ANKIB1: variants seen among roughly 807,000 people sequenced by gnomAD.
The protein encoded by ANKIB1 is ankyrin repeat and IBR domain-containing protein 1.
A neutral mutation model predicts 122.1 loss-of-function variants in ANKIB1; 43 were observed. The observed-to-expected ratio is 0.35, with a 90% confidence interval of 0.28 to 0.45. The LOEUF is 0.45. Ranked by LOEUF, ANKIB1 falls within the 20% of genes least tolerant of loss-of-function variation. The pLI, the probability that ANKIB1 is intolerant of heterozygous loss-of-function variation, is 1.00. For missense variants in ANKIB1, 992 were observed against 1,329.5 expected (o/e 0.75, Z 3.95); for synonymous variants, 390 against 442.0 (o/e 0.88, Z 1.48).
At chr7:92,376,632 AGAGAAGGGGTT>A (rs1804389485) in intron 11 of ANKIB1, among the ~76,000 whole-genome samples, 1 of 151,884 alleles carries the variant, frequency 6.6e-6, no homozygotes, top group Non-Finnish European at 1.5e-5. Flanking sequence ...TATTTTTAGT[AGAGAAGGGGTT>A]TCACCATGTT....
chr7:92,288,280 G>T (rs1266126481), intron 1 of ANKIB1, among the ~76,000 whole-genome samples: 1 of 152,118 alleles, frequency 6.6e-6, no homozygotes, highest in Non-Finnish European at 1.5e-5. Context: ...AGGTACTTAG[G>T]TATAAATCTG....
chr7:92,370,789 G>T (rs1351675663), intron 10 of ANKIB1, among the ~76,000 whole-genome samples: 1 of 152,098 alleles, frequency 6.6e-6, no homozygotes, highest in East Asian at 1.9e-4. Flanking sequence ...AAATCACTGT[G>T]CCAGCAGTGT....
In ANKIB1 at chr7:92,350,935, G is replaced by T; in HGVS notation, c.1086-15G>T. Reference sequence around the variant, plus strand: ...TATCCTTGCTCGTTTGATGTGCATTGATCCATTTTAATAGGTTTTTGAATC... The same window carrying T: ...TATCCTTGCTCGTTTGATGTGCATTTATCCATTTTAATAGGTTTTTGAATC... On this transcript the variant is annotated splice_polypyrimidine_tract_variant and intron_variant, in intron 7 of 19. Transcript: ENST00000265742. 6.3e-7 allele frequency: 1 copy of T among 1,593,608 alleles called. No homozygotes were observed. The highest frequency in any genetic ancestry group is 1.2e-5 in the South Asian group (1 of 86,588).
chr7:92,318,124 G>T (rs1347322680), intron 3 of ANKIB1, among the ~76,000 whole-genome samples: 1 of 152,078 alleles, frequency 6.6e-6, no homozygotes, highest in African/African-American at 2.4e-5. Context: ...TGTTTTATGG[G>T]GTTGTTAATA....
At chr7:92,288,495 C>T (rs1224115267) in intron 1 of ANKIB1, among the ~76,000 whole-genome samples, 7 of 152,126 alleles carry the variant, frequency 4.6e-5, no homozygotes, top group African/African-American at 1.7e-4. Flanking sequence ...TGGCTTTTTA[C>T]AAAGATTCAA....
chr7:92,358,507 T>A (rs2115588891), intron 9 of ANKIB1, among the ~76,000 whole-genome samples: 1 of 151,554 alleles, frequency 6.6e-6, no homozygotes, highest in Middle Eastern at 3.4e-3. Context: ...CCAAGCACAT[T>A]GATAAGCAAT....
In ANKIB1 at chr7:92,358,197, G is replaced by A. The variant is rs150520325; in HGVS notation, c.1398-3988G>A. Among the ~76,000 whole-genome samples the A allele has an allele frequency of 9.8e-3, 1,487 of 151,904 alleles. 32 individuals carry two copies. Among genetic ancestry groups the A allele is most frequent in the African/African-American group, 0.034 (1,413 of 41,406 alleles). Reference sequence around the variant, plus strand: ...GCGGAGGTTACAGTGAGCAGAGATCGTGCCATTGCACTCCAGCCTGGGCCA... The same window carrying A: ...GCGGAGGTTACAGTGAGCAGAGATCATGCCATTGCACTCCAGCCTGGGCCA... On this transcript the variant is annotated intron_variant, in intron 9 of 19. Transcript: ENST00000265742.
intron 1 of ANKIB1, among the ~76,000 whole-genome samples, chr7:92,269,266 A>G (rs1405031947): frequency 6.6e-6 from 1 of 152,218 alleles, no homozygotes; most frequent in African/African-American, 2.4e-5. Flanking sequence ...TTCTTAGGTG[A>G]GGGCTATAGT....
At chr7:92,371,418 T>C (rs1356930863) in intron 10 of ANKIB1, 59 bp from the exon 11 acceptor site, 24 of 1,463,816 alleles carry the variant, frequency 1.6e-5, no homozygotes, top group South Asian at 3.9e-5. Context: ...GGTTTTTTTT[T>C]CCCCCAGAAG....
rs567451907 is a variant in ANKIB1, at chr7:92,304,357, T to C, written c.189-3002T>C. Among the ~76,000 whole-genome samples, 6 of 152,290 alleles carry C rather than the reference T, an allele frequency of 3.9e-5. No homozygotes were observed. The South Asian group carries it at 6.2e-4, about 16-fold the overall frequency. On this transcript the variant is annotated intron_variant, in intron 2 of 19. Transcript: ENST00000265742. The stretch of plus-strand genomic sequence containing the variant: ...TTTAATACTTCAGAATAATACACTC[T>C]CTGTGTTTGGTTTGATTAATGAACC...
chr7:92,252,747 A>G (rs775166117), intron 1 of ANKIB1, among the ~76,000 whole-genome samples: 2 of 152,068 alleles, frequency 1.3e-5, no homozygotes, highest in Non-Finnish European at 2.9e-5. Flanking sequence ...CTGCCCGTAT[A>G]TCATGCCCCT....
At chr7:92,337,753 C>G (rs903397621) in intron 5 of ANKIB1, among the ~76,000 whole-genome samples, 1 of 152,180 alleles carries the variant, frequency 6.6e-6, no homozygotes, top group South Asian at 2.1e-4. Context: ...AATTAACAAA[C>G]CTGATTATCT....
At chr7:92,349,423 G>A (rs1803610659) in intron 7 of ANKIB1, among the ~76,000 whole-genome samples, 1 of 152,150 alleles carries the variant, frequency 6.6e-6, no homozygotes, top group African/African-American at 2.4e-5. Flanking sequence ...TCTCAGTAAG[G>A]TTGTCGTTGC....
intron 13 of ANKIB1, 32 bp from the exon 14 acceptor site, chr7:92,387,943 A>G: frequency 6.3e-7 from 1 of 1,598,462 alleles, no homozygotes; most frequent in South Asian, 1.1e-5. Context: ...AATAAAGAGA[A>G]TGGTTTAAAT....
At chr7:92,295,248 T>C in intron 2 of ANKIB1, 82 bp downstream of exon 2, 2 of 1,080,434 alleles carry the variant, frequency 1.9e-6, no homozygotes, top group Non-Finnish European at 2.5e-6. Flanking sequence ...AAAGGAACTA[T>C]GATTTTTGAA....
At chr7:92,339,769 C>T (rs1464023930) in intron 5 of ANKIB1, among the ~76,000 whole-genome samples, 3 of 151,984 alleles carry the variant, frequency 2.0e-5, no homozygotes, top group East Asian at 1.9e-4. Context: ...TGAGTTTTCC[C>T]GATTGCCTTG....
intron 1 of ANKIB1, among the ~76,000 whole-genome samples, chr7:92,262,653 G>A (rs1211002254): frequency 6.6e-6 from 1 of 152,124 alleles, no homozygotes; most frequent in Non-Finnish European, 1.5e-5. Context: ...ATACCAGTAT[G>A]TTGACACTGA....
chr7:92,358,186 G>A (rs1261260673), intron 9 of ANKIB1, among the ~76,000 whole-genome samples: 4 of 152,170 alleles, frequency 2.6e-5, no homozygotes, highest in African/African-American at 9.7e-5. Context: ...AGGTTACAGT[G>A]AGCAGAGATC....
Position 92,343,237 on chromosome 7 carries a change from G to T in ANKIB1, c.996+5G>T. The T allele has an allele frequency of 6.2e-7, 1 of 1,611,636 alleles. No individual in the cohort carries two copies. Among genetic ancestry groups the T allele is most frequent in the Non-Finnish European group, 8.5e-7 (1 of 1,178,254 alleles). On this transcript the variant is annotated splice_donor_5th_base_variant and intron_variant, in intron 6 of 19. Transcript: ENST00000265742. ...GGGGATTTAGACACCAGTTTGGTAT[G>T]GTTTGGTATTCACTGTACTTCTCAT... is the stretch of plus-strand genomic sequence containing the variant.
Sources: allele counts gnomAD v4.1 joint callset (sites outside exome capture counted in the v4.1 genomes callset), GRCh38; gene constraint gnomAD v4.1.1; transcripts MANE v1.5; gene names NCBI Gene and HGNC (gene_info 2026-07-23, HGNC 2026-07-21).